The following HPSE2 variants were observed in gnomAD, a reference collection of about 807,000 sequenced individuals.
HPSE2 encodes inactive heparanase-2.
HPSE2 carries 38 observed loss-of-function variants against 60.5 expected under a neutral mutation model. The ratio of observed to expected loss-of-function variants is 0.63; its 90% CI spans 0.48 to 0.82. The LOEUF (loss-of-function observed/expected upper bound fraction) is 0.82. Ranked by LOEUF, HPSE2 falls within the 40% of genes least tolerant of loss-of-function variation. The pLI, the probability that HPSE2 is intolerant of heterozygous loss-of-function variation, is 0.00. For synonymous variants in HPSE2, 295 were observed against 293.2 expected (o/e 1.01, Z -0.06); for missense variants, 713 against 740.4 (o/e 0.96, Z 0.43).
intron 4 of HPSE2, among the ~76,000 whole-genome samples, chr10:98,736,171 G>T (rs530559541): frequency 1.3e-5 from 2 of 151,202 alleles, no homozygotes; most frequent in East Asian, 3.9e-4. Context: ...AATAAGTCTC[G>T]CAAGAGCTGA....
chr10:99,102,369 C>T (rs575716313), intron 3 of HPSE2, among the ~76,000 whole-genome samples: 87 of 152,204 alleles, frequency 5.7e-4, no homozygotes, highest in African/African-American at 1.9e-3. Context: ...CGGAAATAAA[C>T]GAGAAAATCT....
chr10:98,548,212 G>A (rs1290374363), intron 9 of HPSE2, among the ~76,000 whole-genome samples: 1 of 152,146 alleles, frequency 6.6e-6, no homozygotes, highest in Non-Finnish European at 1.5e-5. Flanking sequence ...TAAAACTTTG[G>A]TTGTAATCCT....
intron 2 of HPSE2, among the ~76,000 whole-genome samples, chr10:99,183,354 A>T (rs1847851734): frequency 1.3e-5 from 2 of 152,204 alleles, no homozygotes; most frequent in South Asian, 4.1e-4. Context: ...AAGGAAAGTA[A>T]CATAAATGGC....
At position 98,459,686 on chromosome 10, in the gene HPSE2, G is replaced by A. The variant is rs138866975; in HGVS notation, c.1667C>T (p.Pro556Leu). ...CCGAAGGGGGCGGGGCTTCAATTCT[G>A]GGAGGGTCCCGTCGTCCACCATCAC... ...PLVMVDDGTL[P>L]ELKPRPLRAG... Residue 556 changes from proline (P) to leucine (L), a missense_variant, in exon 12 of 12, where the codon CCA becomes CTA. Physicochemically the swap from Pro to Leu is moderately conservative, Grantham distance 98. Transcript: ENST00000370552. The A allele has an allele frequency of 6.2e-7, 1 of 1,614,108 alleles. No homozygotes were observed. The highest frequency in any genetic ancestry group is 8.5e-7 in the Non-Finnish European group (1 of 1,180,008).
chr10:99,086,548 T>C (rs1843328264), intron 3 of HPSE2, among the ~76,000 whole-genome samples: 1 of 151,252 alleles, frequency 6.6e-6, no homozygotes, highest in Admixed American at 6.6e-5. Flanking sequence ...GAGACGGGGT[T>C]TCACCGTTTT....
intron 3 of HPSE2, among the ~76,000 whole-genome samples, chr10:98,964,711 C>T (rs371230086): frequency 6.6e-6 from 1 of 152,220 alleles, no homozygotes; most frequent in African/African-American, 2.4e-5. Context: ...CTTTTATAGT[C>T]AACTATTAAA....
At position 98,555,488 on chromosome 10, in the gene HPSE2, T is replaced by C. The variant is rs192699394; in HGVS notation, c.1320+59416A>G. 1.2e-3 allele frequency among the ~76,000 whole-genome samples: 184 copies of C among 152,310 alleles called. 3 individuals carry two copies. Among genetic ancestry groups the C allele is most frequent in the Non-Finnish European group, 3.4e-4 (23 of 68,018 alleles). On this transcript the variant is annotated intron_variant, in intron 9 of 11. Coordinates refer to ENST00000370552, the MANE Select transcript of HPSE2 (RefSeq NM_021828.5). ...TAACTAAGCTCCCCTTTGAGGGCTG[T>C]ATACTTTGGCACAGTCTGGCTCTCC...
At chr10:99,019,717 T>C (rs542972138) in intron 3 of HPSE2, among the ~76,000 whole-genome samples, 1 of 104,048 alleles carries the variant, frequency 9.6e-6, no homozygotes, top group Non-Finnish European at 1.9e-5. Context: ...TTTTTTGTTG[T>C]TTTTTTTTTT....
At chr10:99,175,780 A>G (rs1847502097) in intron 2 of HPSE2, among the ~76,000 whole-genome samples, 1 of 152,216 alleles carries the variant, frequency 6.6e-6, no homozygotes, top group African/African-American at 2.4e-5. Context: ...GCTAAGGTAC[A>G]GACTGCCTCC....
intron 11 of HPSE2, among the ~76,000 whole-genome samples, chr10:98,470,732 C>T (rs1210171008): frequency 2.0e-5 from 3 of 152,170 alleles, no homozygotes; most frequent in Admixed American, 1.3e-4. Context: ...ACAGGTGTTT[C>T]GTCTAGGTCA....
intron 5 of HPSE2, among the ~76,000 whole-genome samples, chr10:98,694,916 G>A (rs939101082): frequency 6.6e-6 from 1 of 152,214 alleles, no homozygotes; most frequent in African/African-American, 2.4e-5. Context: ...TTCAGAGGGA[G>A]AAGCAATCTT....
intron 4 of HPSE2, among the ~76,000 whole-genome samples, chr10:98,735,634 C>T (rs935178118): frequency 4.6e-5 from 7 of 152,176 alleles, no homozygotes; most frequent in Middle Eastern, 3.4e-3. Context: ...CCCAAGACCA[C>T]GGGAACCCAT....
chr10:98,532,372 A>G (rs1057464393), intron 9 of HPSE2, among the ~76,000 whole-genome samples: 12 of 152,114 alleles, frequency 7.9e-5, no homozygotes, highest in African/African-American at 2.9e-4. Flanking sequence ...AAACTCATGG[A>G]CCCTTGAATC....
chr10:99,273,740 A>T, the HPSE2 span, among the ~76,000 whole-genome samples: 7 of 152,324 alleles, frequency 4.6e-5, no homozygotes, highest in East Asian at 1.4e-3. Context: ...TGATGGATGG[A>T]AAGATGGATA....
At chr10:98,538,515 C>A (rs867709914) in intron 9 of HPSE2, among the ~76,000 whole-genome samples, 1 of 152,032 alleles carries the variant, frequency 6.6e-6, no homozygotes, top group Non-Finnish European at 1.5e-5. Context: ...TATATAATGT[C>A]CCCAGAATAT....
chr10:99,303,181 A>G, the HPSE2 span, among the ~76,000 whole-genome samples: 1 of 152,114 alleles, frequency 6.6e-6, no homozygotes, highest in Non-Finnish European at 1.5e-5. Context: ...GCAAAAGCTC[A>G]TATTTTAACA....
chr10:98,835,166 G>C (rs1186594837), intron 3 of HPSE2, among the ~76,000 whole-genome samples: 1 of 151,978 alleles, frequency 6.6e-6, no homozygotes. Flanking sequence ...CCCTGAAGCT[G>C]GTTGCCAATT....
intron 3 of HPSE2, among the ~76,000 whole-genome samples, chr10:98,846,733 A>G (rs889452461): frequency 1.1e-4 from 17 of 152,180 alleles, no homozygotes; most frequent in African/African-American, 3.9e-4. Flanking sequence ...ATGCTATGAC[A>G]CATTGTTTTC....
At chr10:99,011,115 AGTTTTCT>A (rs1345123296) in intron 3 of HPSE2, among the ~76,000 whole-genome samples, 2 of 142,062 alleles carry the variant, frequency 1.4e-5, no homozygotes, top group African/African-American at 5.2e-5. Flanking sequence ...TGTGGTATTT[AGTTTTCT>A]GTTCCTGTGT....
Sources: gnomAD v4.1 joint callset for allele counts (sites outside exome capture counted in the v4.1 genomes callset) on GRCh38, gnomAD v4.1.1 for gene constraint, MANE v1.5 for transcripts, NCBI Gene and HGNC (gene_info 2026-07-23, HGNC 2026-07-21) for gene names.